INPP4B: variants seen among roughly 807,000 people sequenced by gnomAD.
INPP4B encodes inositol polyphosphate-4-phosphatase type II B.
Under a neutral mutation model 122.5 loss-of-function variants are expected in INPP4B, and 55 were observed. The observed-to-expected ratio is 0.45, with a 90% CI of 0.36 to 0.56. The LOEUF is 0.56. Among genes scored for constraint, INPP4B ranks in the 20% least tolerant of loss-of-function variants. The probability of loss-of-function intolerance (pLI) is 0.00; values close to 1 mark genes in which losing one functional copy is unlikely to be tolerated. For missense variants in INPP4B, 1,000 were observed against 1,097.7 expected, an observed-to-expected ratio of 0.91 and a Z score of 1.26; for synonymous variants, 403 against 388.7, an observed-to-expected ratio of 1.04 and a Z score of -0.43.
At chr4:142,474,797 C>T (rs1314566948) in intron 2 of INPP4B, among the ~76,000 whole-genome samples, 1 of 151,794 alleles carries the variant, frequency 6.6e-6, no homozygotes, top group Non-Finnish European at 1.5e-5. Flanking sequence ...CTCCACCTGC[C>T]CCTACCTCTC....
chr4:142,809,004 G>A (rs1013279468), intron 1 of INPP4B, among the ~76,000 whole-genome samples: 1 of 151,924 alleles, frequency 6.6e-6, no homozygotes, highest in African/African-American at 2.4e-5. Context: ...TTCATTTGCA[G>A]GAATCTTTGT....
chr4:142,661,959 C>A (rs1380505088), intron 2 of INPP4B, among the ~76,000 whole-genome samples: 2 of 151,922 alleles, frequency 1.3e-5, no homozygotes, highest in African/African-American at 4.8e-5. Flanking sequence ...GTTGGCCGGG[C>A]ACGGTGGCTC....
chr4:142,049,258 T>C (rs559476548), intron 25 of INPP4B, among the ~76,000 whole-genome samples: 1 of 152,122 alleles, frequency 6.6e-6, no homozygotes, highest in South Asian at 2.1e-4. Context: ...AGCAAAAGAG[T>C]ATCATGTCAA....
intron 7 of INPP4B, among the ~76,000 whole-genome samples, chr4:142,328,209 C>T (rs1007545646): frequency 3.3e-5 from 5 of 151,964 alleles, no homozygotes; most frequent in South Asian, 2.1e-4. Context: ...AAATGTACAG[C>T]GTTTCAACAG....
chr4:142,237,737 C>A, intron 12 of INPP4B, 127 bp downstream of exon 12: 1 of 496,230 alleles, frequency 2.0e-6, no homozygotes, highest in Middle Eastern at 5.6e-4. Context: ...TTAACTGGCT[C>A]GGTTTAGCTA....
chr4:142,221,389 CAAAAAAAAAAAAAA>C (rs570703001), intron 12 of INPP4B, among the ~76,000 whole-genome samples: 1 of 28,554 alleles, frequency 3.5e-5, no homozygotes, highest in Admixed American at 5.0e-4. Flanking sequence ...GACTCCTTCT[CAAAAAAAAAAAAAA>C]AAAAAAAAAA....
chr4:142,069,967 C>A (rs1273723669), intron 25 of INPP4B, among the ~76,000 whole-genome samples: 1 of 151,744 alleles, frequency 6.6e-6, no homozygotes, highest in Non-Finnish European at 1.5e-5. Flanking sequence ...AGAGGGAATC[C>A]TCCTCCCTAA....
At chr4:142,436,527 G>A (rs1810561157) in intron 3 of INPP4B, among the ~76,000 whole-genome samples, 1 of 152,088 alleles carries the variant, frequency 6.6e-6, no homozygotes, top group South Asian at 2.1e-4. Flanking sequence ...TGCCTCTTGA[G>A]GTCTGAGATA....
At chr4:142,626,174 AC>A (rs762217427) in intron 2 of INPP4B, among the ~76,000 whole-genome samples, 37 of 152,252 alleles carry the variant, frequency 2.4e-4, no homozygotes, top group Non-Finnish European at 4.3e-4. Context: ...AACAAAAGAA[AC>A]TACCATCAGA....
chr4:142,594,157 T>A (rs1024745261), intron 2 of INPP4B, among the ~76,000 whole-genome samples: 1 of 152,172 alleles, frequency 6.6e-6, no homozygotes, highest in Non-Finnish European at 1.5e-5. Context: ...TTGTAAACAA[T>A]GTTGGAAAAT....
chr4:142,276,912 C>T (rs1252530777), intron 9 of INPP4B, among the ~76,000 whole-genome samples: 1 of 151,890 alleles, frequency 6.6e-6, no homozygotes, highest in Non-Finnish European at 1.5e-5. Flanking sequence ...TATAAACCAG[C>T]TCTAGCTCCT....
intron 1 of INPP4B, among the ~76,000 whole-genome samples, chr4:142,793,580 G>A (rs1337851483): frequency 6.6e-6 from 1 of 152,060 alleles, no homozygotes; most frequent in Non-Finnish European, 1.5e-5. Context: ...AAGGATGGCA[G>A]TAATACCAAG....
At chr4:142,696,058 AAATG>A (rs2150740894) in intron 2 of INPP4B, among the ~76,000 whole-genome samples, 1 of 152,254 alleles carries the variant, frequency 6.6e-6, no homozygotes, top group Admixed American at 6.5e-5. Flanking sequence ...TTGAGCAAGA[AAATG>A]TTGAGTATTG....
Position 142,145,909 on chromosome 4 carries a change from C to A in INPP4B, c.1651G>T (p.Gly551Cys). Residue 551 changes from glycine (G) to cysteine (C), a missense_variant, in exon 18 of 26, where the codon GGC becomes TGC. Coordinates refer to ENST00000262992, the MANE Select transcript of INPP4B (RefSeq NM_001101669.3). ...KLIERDGGSEGSGGNNDGEKE... is the reference protein window; with the variant it reads ...KLIERDGGSECSGGNNDGEKE... ...TCTCCATCATTGTTGCCGCCACTGC[C>A]TTCACTGCCACCATCTCTTTCAATC... 6.2e-7 allele frequency: 1 copy of A among 1,613,866 alleles called. No homozygotes were observed. Among genetic ancestry groups the A allele is most frequent in the Non-Finnish European group, 8.5e-7 (1 of 1,179,818 alleles).
intron 1 of INPP4B, among the ~76,000 whole-genome samples, chr4:142,812,488 C>A (rs1779634046): frequency 6.6e-6 from 1 of 151,958 alleles, no homozygotes; most frequent in Non-Finnish European, 1.5e-5. Context: ...TAACAAATTC[C>A]ACTAAATTCT....
chr4:142,557,290 A>G (rs1201833491), intron 2 of INPP4B, among the ~76,000 whole-genome samples: 1 of 152,262 alleles, frequency 6.6e-6, no homozygotes, highest in East Asian at 1.9e-4. Flanking sequence ...TAAGAGCAAC[A>G]TGAATAAGAG....
intron 1 of INPP4B, among the ~76,000 whole-genome samples, chr4:142,730,752 C>T (rs1765964758): frequency 6.6e-6 from 1 of 152,180 alleles, no homozygotes; most frequent in South Asian, 2.1e-4. Flanking sequence ...GTTATTTTAA[C>T]TTGTGCCTCT....
intron 6 of INPP4B, among the ~76,000 whole-genome samples, chr4:142,404,710 G>T (rs1288506625): frequency 1.3e-5 from 2 of 151,866 alleles, no homozygotes; most frequent in African/African-American, 4.8e-5. Context: ...AAACAACAGA[G>T]AATATAAAGT....
chr4:142,725,426 G>A lies in INPP4B; in HGVS notation c.-191+413C>T, dbSNP rs1171407578. On this transcript the variant is annotated intron_variant, in intron 2 of 25. Transcript: ENST00000262992. ...TTGTATATTCAAAAAAATACATAAA[G>A]TCATCTGACTAACGCCAAATAAAGT... is the stretch of plus-strand genomic sequence containing the variant. 2.0e-5 allele frequency among the ~76,000 whole-genome samples: 3 copies of A among 152,002 alleles called. No individual in the cohort carries two copies. In the East Asian group the frequency reaches 5.8e-4, roughly 29 times the overall value.
Sources: gnomAD v4.1 joint callset for allele counts (sites outside exome capture counted in the v4.1 genomes callset) on GRCh38, gnomAD v4.1.1 for gene constraint, MANE v1.5 for transcripts, NCBI Gene and HGNC (gene_info 2026-07-23, HGNC 2026-07-21) for gene names.